The following CAMK2G variants were observed in gnomAD, a reference collection of about 807,000 sequenced individuals.
CAMK2G encodes the protein calcium/calmodulin-dependent protein kinase type II subunit gamma.
Under a neutral mutation model 88.7 loss-of-function variants are expected in CAMK2G, and 23 were observed. The ratio of observed to expected loss-of-function variants is 0.26; its 90% CI spans 0.19 to 0.37. The LOEUF is 0.37. CAMK2G is among the 10% of genes least tolerant of loss of function. The probability of loss-of-function intolerance (pLI) is 1.00; values close to 1 mark genes in which losing one functional copy is unlikely to be tolerated. For synonymous variants in CAMK2G, 263 were observed against 294.8 expected (o/e 0.89, Z 1.11); for missense variants, 476 against 780.8 (o/e 0.61, Z 4.65).
At chr10:73,830,102 C>T (rs1261504785) in intron 14 of CAMK2G, among the ~76,000 whole-genome samples, 1 of 152,206 alleles carries the variant, frequency 6.6e-6, no homozygotes, top group African/African-American at 2.4e-5. Context: ...GGCTTGCTCT[C>T]TTTTTCCTAA....
intron 10 of CAMK2G, among the ~76,000 whole-genome samples, chr10:73,845,388 C>T (rs538987491): frequency 4.1e-4 from 63 of 152,144 alleles, no homozygotes; most frequent in African/African-American, 1.5e-3. Flanking sequence ...CGAAACCATC[C>T]TGACTAACAC....
chr10:73,855,816 C>T (rs2094986414), intron 3 of CAMK2G, among the ~76,000 whole-genome samples: 1 of 152,248 alleles, frequency 6.6e-6, no homozygotes. Flanking sequence ...ATGGAGGAAG[C>T]TGTATCTGAA....
chr10:73,824,956 A>C (rs1198118420), intron 16 of CAMK2G, among the ~76,000 whole-genome samples: 2 of 152,066 alleles, frequency 1.3e-5, no homozygotes, highest in East Asian at 3.9e-4. Flanking sequence ...TTCCTAAGCA[A>C]CTCACCTTCC....
chr10:73,839,676 G>T lies in CAMK2G; in HGVS notation c.947-75C>A, dbSNP rs1447244336. 1.1e-6 allele frequency: 1 copy of T among 940,472 alleles called. No homozygotes were observed. The highest frequency in any genetic ancestry group is 3.3e-5 in the East Asian group (1 of 30,164). The allele number at this position is 940,472 out of a possible 1,614,324, so 58.3% of individuals were successfully genotyped here. The stretch of plus-strand genomic sequence containing the variant: ...CCGTCAGCAGCGAGCATGCCCCAGC[G>T]CGAGGCGCAGCCCAGGCGGCGTGGC... On this transcript the variant is annotated intron_variant, in intron 12 of 22. Transcript: ENST00000423381. The surrounding 1 kb of genome is among the most constrained non-coding windows in gnomAD (Gnocchi z 4.2).
At chr10:73,821,506 C>A (rs1277545024) in intron 18 of CAMK2G, among the ~76,000 whole-genome samples, 176 bp downstream of exon 18, 1 of 152,198 alleles carries the variant, frequency 6.6e-6, no homozygotes, top group Non-Finnish European at 1.5e-5. Context: ...CTCAGCAACA[C>A]CAGACAGGGG....
In CAMK2G at chr10:73,863,434, T is replaced by C. The variant is rs142972138; in HGVS notation, c.161-2545A>G. On this transcript the variant is annotated intron_variant, in intron 2 of 22. Transcript: ENST00000423381. ...TGCTTCTTCCAGATCTGGCAGGATG[T>C]TGACATGACCCCACCTTCCTTCCAT... 5.7e-3 allele frequency among the ~76,000 whole-genome samples: 862 copies of C among 152,298 alleles called. 12 individuals carry two copies. Among genetic ancestry groups the C allele is most frequent in the African/African-American group, 0.02 (827 of 41,554 alleles).
intron 19 of CAMK2G, chr10:73,818,856 G>A: frequency 4.4e-6 from 2 of 455,996 alleles, no homozygotes; most frequent in South Asian, 3.1e-5. Context: ...ATGGTGGGAG[G>A]AAAAGCAGCA....
intron 14 of CAMK2G, among the ~76,000 whole-genome samples, chr10:73,829,285 T>TATTG (rs1247039667): frequency 6.7e-6 from 1 of 149,960 alleles, no homozygotes; most frequent in Non-Finnish European, 1.5e-5. Flanking sequence ...TTTATTTATT[T>TATTG]ATTTATTTAT....
At chr10:73,816,167 G>A (rs2085400585) in intron 21 of CAMK2G, 3 of 985,424 alleles carry the variant, frequency 3.0e-6, no homozygotes, top group African/African-American at 3.5e-5. Context: ...AAAGATGGGA[G>A]GGGGTGATGA....
rs546197906 is a variant in CAMK2G at position 73,848,357 on chromosome 10, C to T, written c.601+169G>A. 1.4e-4 allele frequency among the ~76,000 whole-genome samples: 22 copies of T among 152,312 alleles called. No individual in the cohort carries two copies. The highest frequency in any genetic ancestry group is 4.6e-4 in the Admixed American group (7 of 15,298). Reference sequence around the variant, plus strand: ...AGGATACAATGTCATCCCAGAAGTACGCAGGGAGGAGGGTGTGATGGGAAC... The same window carrying T: ...AGGATACAATGTCATCCCAGAAGTATGCAGGGAGGAGGGTGTGATGGGAAC... On this transcript the variant is annotated intron_variant, in intron 8 of 22. Coordinates refer to ENST00000423381, the MANE Select transcript of CAMK2G (RefSeq NM_001367534.1). The surrounding 1 kb of genome is among the most constrained non-coding windows in gnomAD (Gnocchi z 4.5).
intron 1 of CAMK2G, chr10:73,873,443 G>A: frequency 9.0e-7 from 1 of 1,115,868 alleles, no homozygotes; most frequent in Non-Finnish European, 1.1e-6. Flanking sequence ...AGGGCAGAAG[G>A]GAGCAGAGAG....
intron 19 of CAMK2G, chr10:73,818,110 GC>G (rs1218907626): frequency 6.0e-6 from 1 of 167,018 alleles, no homozygotes; most frequent in Non-Finnish European, 1.3e-5. Flanking sequence ...TAGGATGGAT[GC>G]TTCCCACTGC....
At chr10:73,832,960 TCTC>T (rs2092678860) in intron 14 of CAMK2G, among the ~76,000 whole-genome samples, 1 of 87,776 alleles carries the variant, frequency 1.1e-5, no homozygotes. Context: ...TTTTTTTTCT[TCTC>T]TCTCTTTTTT....
intron 3 of CAMK2G, among the ~76,000 whole-genome samples, chr10:73,859,014 G>A (rs1447846462): frequency 6.6e-6 from 1 of 152,218 alleles, no homozygotes; most frequent in African/African-American, 2.4e-5. Flanking sequence ...CTGCCTACAT[G>A]AGGACAAATT....
chr10:73,817,154 C>T (rs2085900046), intron 20 of CAMK2G, 37 bp from the exon 21 acceptor site: 3 of 1,569,474 alleles, frequency 1.9e-6, no homozygotes, highest in Middle Eastern at 1.8e-4. Context: ...TATCAGGCTT[C>T]TATGGAGTGA....
chr10:73,828,695 T>C (rs1308713459), intron 14 of CAMK2G, among the ~76,000 whole-genome samples: 1 of 152,262 alleles, frequency 6.6e-6, no homozygotes. Context: ...CCTTTGTCAG[T>C]ATAGCCATGC....
At chr10:73,837,420 A>T (rs1457760802) in intron 14 of CAMK2G, 48 bp downstream of exon 14, 15 of 1,473,922 alleles carry the variant, frequency 1.0e-5, no homozygotes, top group Non-Finnish European at 1.4e-5. Context: ...TCCCATAGTG[A>T]CTGCGGGGAG....
At chr10:73,869,739 A>G (rs955018403) in intron 2 of CAMK2G, among the ~76,000 whole-genome samples, 1 of 152,254 alleles carries the variant, frequency 6.6e-6, no homozygotes, top group Non-Finnish European at 1.5e-5. Flanking sequence ...TTTAGCTTCA[A>G]AAGAAATTTC....
chr10:73,818,376 C>T, intron 19 of CAMK2G: 1 of 258,016 alleles, frequency 3.9e-6, no homozygotes, highest in Non-Finnish European at 7.9e-6. Flanking sequence ...TGATGTCCTG[C>T]CGGCATGGGC....
Sources: gnomAD v4.1 joint callset for allele counts (sites outside exome capture counted in the v4.1 genomes callset) on GRCh38, gnomAD v4.1.1 for gene constraint, Gnocchi (gnomAD v3.1) non-coding constraint, MANE v1.5 for transcripts, NCBI Gene and HGNC (gene_info 2026-07-23, HGNC 2026-07-21) for gene names.